Variants in PTHLH observed in about 807,000 individuals in gnomAD.
PTHLH encodes the protein parathyroid hormone like hormone.
PTHLH carries 5 observed loss-of-function variants against 18.6 expected under a neutral mutation model. The ratio of observed to expected loss-of-function variants is 0.27; its 90% CI spans 0.14 to 0.56. The LOEUF is 0.56. PTHLH is among the 20% of genes least tolerant of loss of function. The probability of loss-of-function intolerance (pLI) is 0.92; values close to 1 mark genes in which losing one functional copy is unlikely to be tolerated. For synonymous variants in PTHLH, 90 were observed against 94.0 expected (o/e 0.96, Z 0.25); for missense variants, 207 against 223.9 (o/e 0.92, Z 0.48).
intron 2 of PTHLH, among the ~76,000 whole-genome samples, chr12:27,971,154 C>T (rs1210924123): frequency 6.6e-6 from 1 of 151,988 alleles, no homozygotes; most frequent in East Asian, 1.9e-4. Flanking sequence ...TGTCCCCTCC[C>T]CCTCAAAAGT....
At chr12:27,963,142 G>C in intron 5 of PTHLH, 1 of 1,460,410 alleles carries the variant, frequency 6.8e-7, no homozygotes, top group South Asian at 1.4e-5. Context: ...CCTCTCTATG[G>C]TGCTGGAGGA....
At chr12:27,972,212 G>C (rs34227878) in intron 1 of PTHLH, among the ~76,000 whole-genome samples, 193 bp from the exon 2 acceptor site, 1 of 152,056 alleles carries the variant, frequency 6.6e-6, no homozygotes, top group African/African-American at 2.4e-5. Context: ...ACAAAAATCA[G>C]ATTGAAATTA....
chr12:27,960,368 T>C (rs1188405660), intron 5 of PTHLH, among the ~76,000 whole-genome samples: 1 of 152,200 alleles, frequency 6.6e-6, no homozygotes, highest in African/African-American at 2.4e-5. Context: ...CTATATATTT[T>C]TCACTGAATG....
intron 4 of PTHLH, among the ~76,000 whole-genome samples, chr12:27,966,016 G>C (rs1336688146): frequency 1.3e-5 from 2 of 152,192 alleles, no homozygotes; most frequent in Admixed American, 1.3e-4. Context: ...AATGGATAAA[G>C]TGTAGCCCAT....
rs747085664 is a variant in PTHLH, at chr12:27,970,102, G to A, written c.-100C>T. 7.7e-6 allele frequency: 4 copies of A among 518,946 alleles called. No homozygotes were observed. In the East Asian group the frequency reaches 1.6e-4, roughly 21 times the overall value. The allele number at this position is 518,946 out of a possible 1,614,324, so 32.1% of individuals were successfully genotyped here. A position where few individuals can be genotyped will look rare whatever the true frequency, so the allele number is the denominator to read the frequency against. ...ACAAGTTTCAAGTGCGTGTGTCGTC[G>A]ATCAGGAGGGCCAGGTGGCGGCGAG... On this transcript the variant is annotated 5_prime_UTR_variant, in exon 3 of 6. Coordinates refer to ENST00000545234, the MANE Select transcript of PTHLH (RefSeq NM_198965.2).
chr12:27,969,280 T>C (rs2062845042), intron 4 of PTHLH, 114 bp downstream of exon 4: 1 of 1,082,616 alleles, frequency 9.2e-7, no homozygotes, highest in East Asian at 2.6e-5. Flanking sequence ...TCCCTCTCCC[T>C]AACCCGGGCA....
chr12:27,958,522 C>G lies in PTHLH; in HGVS notation c.*37G>C. On this transcript the variant is annotated 3_prime_UTR_variant, in exon 6 of 6. Coordinates refer to ENST00000545234, the MANE Select transcript of PTHLH (RefSeq NM_198965.2). ...TTCCATATGTTCACTATTACAGAATCCTGCAATATGTCCTTGGAAGGTCTC... is the reference window on the plus strand; with the variant it reads ...TTCCATATGTTCACTATTACAGAATGCTGCAATATGTCCTTGGAAGGTCTC... 1 of 1,546,230 alleles carries G rather than the reference C, an allele frequency of 6.5e-7. No individual in the cohort carries two copies. Among genetic ancestry groups the G allele is most frequent in the Non-Finnish European group, 8.8e-7 (1 of 1,136,640 alleles).
In PTHLH at chr12:27,969,501, C is replaced by T. The variant is rs1382314565; in HGVS notation, c.-7G>A. The T allele has an allele frequency of 5.1e-6, 8 of 1,563,820 alleles. No individual in the cohort carries two copies. In the South Asian group the frequency reaches 5.8e-5, roughly 11 times the overall value. ...GAACCAGTCTCCGCTGCATCGTCTC[C>T]GCTCGCGCTCGGGACCTGCAACAGA... On this transcript the variant is annotated 5_prime_UTR_variant, in exon 4 of 6. Coordinates refer to ENST00000545234, the MANE Select transcript of PTHLH (RefSeq NM_198965.2).
chr12:27,964,325 A>G (rs1012759251), intron 4 of PTHLH, among the ~76,000 whole-genome samples: 23 of 151,828 alleles, frequency 1.5e-4, no homozygotes, highest in Non-Finnish European at 2.6e-4. Context: ...ATAATATTGA[A>G]ACAGCAAGCC....
intron 2 of PTHLH, among the ~76,000 whole-genome samples, 166 bp downstream of exon 2, chr12:27,971,761 C>T (rs1178054029): frequency 1.3e-5 from 2 of 151,932 alleles, no homozygotes; most frequent in Non-Finnish European, 2.9e-5. Flanking sequence ...CTTCTTCTCA[C>T]TAACAAAGAA....
intron 4 of PTHLH, 50 bp downstream of exon 4, chr12:27,969,344 C>T (rs901971635): frequency 3.3e-6 from 5 of 1,512,898 alleles, no homozygotes; most frequent in Non-Finnish European, 4.4e-6. Context: ...TTGGCAGCCC[C>T]TCCCCCTGGC....
chr12:27,959,300 A>G (rs956160851), intron 5 of PTHLH, among the ~76,000 whole-genome samples: 2 of 152,210 alleles, frequency 1.3e-5, no homozygotes, highest in African/African-American at 4.8e-5. Context: ...TTCTGTTAGC[A>G]TTGGGAAAGT....
intron 4 of PTHLH, among the ~76,000 whole-genome samples, chr12:27,967,218 A>G (rs549938693): frequency 6.6e-6 from 1 of 152,334 alleles, no homozygotes; most frequent in East Asian, 1.9e-4. Context: ...GAACATCCAT[A>G]GGCCTCACTT....
chr12:27,971,513 C>A (rs972550586), intron 2 of PTHLH, among the ~76,000 whole-genome samples: 1 of 151,996 alleles, frequency 6.6e-6, no homozygotes, highest in African/African-American at 2.4e-5. Context: ...TGAGATGATT[C>A]AAGGAATGTG....
rs767225695 is a variant in PTHLH at position 27,969,427 on chromosome 12, C to A, written c.68G>T (p.Cys23Phe). ...VFLLSYAVPS[C>F]GRSVEGLSRR... ...GCTGAGACCCTCCACCGAGCGCCCGCAGGAGGGCACCGCGTAGCTCAGCAG... is the reference window on the plus strand; with the variant it reads ...GCTGAGACCCTCCACCGAGCGCCCGAAGGAGGGCACCGCGTAGCTCAGCAG... Residue 23 changes from cysteine (C) to phenylalanine (F), a missense_variant, in exon 4 of 6, where the codon TGC becomes TTC. Transcript: ENST00000545234. 1.9e-6 allele frequency: 3 copies of A among 1,593,816 alleles called. No homozygotes were observed. Among genetic ancestry groups the A allele is most frequent in the Non-Finnish European group, 2.6e-6 (3 of 1,172,418 alleles).
intron 2 of PTHLH, 137 bp from the exon 3 acceptor site, chr12:27,970,404 C>G (rs2062860050): frequency 6.7e-6 from 1 of 148,448 alleles, no homozygotes; most frequent in Non-Finnish European, 1.5e-5. Flanking sequence ...GGCCCCGCGC[C>G]GCCCGAGCGA....
chr12:27,958,570 T>C lies in PTHLH; in HGVS notation c.525-2A>G. The C allele has an allele frequency of 6.4e-7, 1 of 1,571,948 alleles. No individual in the cohort carries two copies. Among genetic ancestry groups the C allele is most frequent in the Non-Finnish European group, 8.6e-7 (1 of 1,156,884 alleles). ...CTCTGCTGAAAATTTCAATGCCTCC[T>C]GCAAAAAGAAGGAAGAGAAAGAAAA... On this transcript the variant is annotated splice_acceptor_variant, in intron 5 of 5. Coordinates refer to ENST00000545234, the MANE Select transcript of PTHLH (RefSeq NM_198965.2). LOFTEE classifies it high-confidence loss of function.
chr12:27,971,387 T>C (rs1230309827), intron 2 of PTHLH, among the ~76,000 whole-genome samples: 3 of 152,144 alleles, frequency 2.0e-5, no homozygotes, highest in African/African-American at 7.2e-5. Flanking sequence ...AGGGCTCCTC[T>C]AACTTTTTGA....
Position 27,958,557 on chromosome 12 carries a change from T to C in PTHLH, c.*2A>G. 6.3e-7 allele frequency: 1 copy of C among 1,575,058 alleles called. No homozygotes were observed. The highest frequency in any genetic ancestry group is 8.6e-7 in the Non-Finnish European group (1 of 1,158,382). On this transcript the variant is annotated 3_prime_UTR_variant, in exon 6 of 6. Transcript: ENST00000545234. ...GTCCTTGGAAGGTCTCTGCTGAAAA[T>C]TTCAATGCCTCCTGCAAAAAGAAGG...
Sources: gnomAD v4.1 joint callset for allele counts (sites outside exome capture counted in the v4.1 genomes callset) on GRCh38, gnomAD v4.1.1 for gene constraint, MANE v1.5 for transcripts, NCBI Gene and HGNC (gene_info 2026-07-23, HGNC 2026-07-21) for gene names.